Variants in NRXN3 observed in about 807,000 individuals in gnomAD.
The protein encoded by NRXN3 is neurexin III.
NRXN3 carries 32 observed loss-of-function variants against 137.6 expected under a neutral mutation model. The observed-to-expected ratio is 0.23, with a 90% confidence interval of 0.18 to 0.31. The LOEUF is 0.31. Ranked by LOEUF, NRXN3 falls within the 10% of genes least tolerant of loss-of-function variation. NRXN3 has a pLI of 1.00. For missense variants in NRXN3, 1,574 were observed against 2,062.5 expected (o/e 0.76, Z 4.59); for synonymous variants, 798 against 784.5 (o/e 1.02, Z -0.29).
At chr14:78,985,437 A>G (rs1201898856) in intron 14 of NRXN3, among the ~76,000 whole-genome samples, 1 of 152,232 alleles carries the variant, frequency 6.6e-6, no homozygotes, top group Non-Finnish European at 1.5e-5. Flanking sequence ...AAAATTAATG[A>G]CGCAGATAAT....
At chr14:79,349,543 A>AT (rs1330548803) in intron 15 of NRXN3, among the ~76,000 whole-genome samples, 19 of 107,118 alleles carry the variant, frequency 1.8e-4, no homozygotes, top group African/African-American at 8.3e-4. Context: ...GGGAAAAAAA[A>AT]ATACACACAC....
chr14:78,488,567 TTATTAC>T (rs1483157436), intron 4 of NRXN3, among the ~76,000 whole-genome samples: 1 of 152,118 alleles, frequency 6.6e-6, no homozygotes, highest in African/African-American at 2.4e-5. Context: ...TCAGAGGACA[TTATTAC>T]TATTACTAAA....
Position 78,299,174 on chromosome 14 carries a change from G to A in NRXN3, c.757+1314G>A, listed in dbSNP as rs375955176. Reference sequence around the variant, plus strand: ...AGACCATATGTCAAAAAATAGAACTGGGAGAGGAGATCAGGTGACTTCTCT... The same window carrying A: ...AGACCATATGTCAAAAAATAGAACTAGGAGAGGAGATCAGGTGACTTCTCT... On this transcript the variant is annotated intron_variant, in intron 4 of 20. Transcript: ENST00000335750. Among the ~76,000 whole-genome samples the A allele has an allele frequency of 5.9e-5, 9 of 152,196 alleles. No homozygotes were observed. The East Asian group carries it at 1.5e-3, about 26-fold the overall frequency.
At chr14:78,731,658 T>A (rs1307447769) in intron 8 of NRXN3, among the ~76,000 whole-genome samples, 1 of 151,558 alleles carries the variant, frequency 6.6e-6, no homozygotes, top group Non-Finnish European at 1.5e-5. Context: ...TATTCTATTC[T>A]TGAATATATA....
intron 4 of NRXN3, among the ~76,000 whole-genome samples, chr14:78,426,446 G>A (rs903038657): frequency 2.0e-5 from 3 of 152,196 alleles, no homozygotes; most frequent in Non-Finnish European, 4.4e-5. Flanking sequence ...CCTGGCTGGG[G>A]CCCCTATAAC....
intron 15 of NRXN3, among the ~76,000 whole-genome samples, chr14:79,154,912 A>C (rs1378473042): frequency 6.6e-6 from 1 of 151,990 alleles, no homozygotes; most frequent in African/African-American, 2.4e-5. Context: ...TCAACTGACC[A>C]GCTTAAACCT....
At chr14:79,517,382 T>C (rs1242257595) in intron 16 of NRXN3, among the ~76,000 whole-genome samples, 1 of 152,194 alleles carries the variant, frequency 6.6e-6, no homozygotes, top group African/African-American at 2.4e-5. Flanking sequence ...TGATATGGGA[T>C]GCAAATATCC....
chr14:78,739,537 T>A (rs1217505690), intron 8 of NRXN3, among the ~76,000 whole-genome samples: 1 of 152,208 alleles, frequency 6.6e-6, no homozygotes, highest in Non-Finnish European at 1.5e-5. Context: ...AATGGCGCGA[T>A]CTTGGCTCAC....
intron 8 of NRXN3, among the ~76,000 whole-genome samples, chr14:78,797,231 GAACA>G (rs1299307248): frequency 6.6e-6 from 1 of 152,104 alleles, no homozygotes; most frequent in Non-Finnish European, 1.5e-5. Context: ...ATGAACATAT[GAACA>G]AACAATTAGA....
intron 16 of NRXN3, among the ~76,000 whole-genome samples, chr14:79,641,897 A>G (rs1192346579): frequency 7.4e-6 from 1 of 135,306 alleles, no homozygotes; most frequent in African/African-American, 2.5e-5. Flanking sequence ...CTCCTTATGC[A>G]TACTTCCCAC....
chr14:79,044,825 GT>G (rs5809914), intron 15 of NRXN3, among the ~76,000 whole-genome samples: 128,593 of 139,648 alleles, frequency 0.92, 59,520 homozygotes, highest in Non-Finnish European at 0.98. Flanking sequence ...AGCACCTCTA[GT>G]TTTTTTTTTT....
intron 10 of NRXN3, among the ~76,000 whole-genome samples, chr14:78,832,990 G>C (rs928830196): frequency 6.6e-6 from 1 of 152,090 alleles, no homozygotes; most frequent in Admixed American, 6.6e-5. Flanking sequence ...CATCTTTCCG[G>C]GGAAGACATA....
At position 78,494,903 on chromosome 14, in the gene NRXN3, T is replaced by G. The variant is rs80168619; in HGVS notation, c.758-150217T>G. Among the ~76,000 whole-genome samples the G allele has an allele frequency of 3.0e-3, 456 of 152,202 alleles. 2 individuals are homozygous for G. Among genetic ancestry groups the G allele is most frequent in the African/African-American group, 9.8e-3 (406 of 41,556 alleles). On this transcript the variant is annotated intron_variant, in intron 4 of 20. Transcript: ENST00000335750. ...AGTGAGGTGTGTTTTTACCAATTCTTTAACTTAATCAGACTGGCCTCTTGA... is the reference window on the plus strand; with the variant it reads ...AGTGAGGTGTGTTTTTACCAATTCTGTAACTTAATCAGACTGGCCTCTTGA...
chr14:79,310,072 C>T (rs1398531823), intron 15 of NRXN3, among the ~76,000 whole-genome samples: 4 of 126,174 alleles, frequency 3.2e-5, no homozygotes, highest in East Asian at 4.8e-4. Context: ...TTAGGTCTAA[C>T]GTTTAAATCT....
At chr14:79,833,323 G>C (rs2099328659) in intron 20 of NRXN3, among the ~76,000 whole-genome samples, 1 of 152,078 alleles carries the variant, frequency 6.6e-6, no homozygotes, top group Non-Finnish European at 1.5e-5. Flanking sequence ...CAGATAACTA[G>C]AGATAGTAAA....
At chr14:79,679,581 A>G (rs1228344301) in intron 17 of NRXN3, among the ~76,000 whole-genome samples, 2 of 152,118 alleles carry the variant, frequency 1.3e-5, no homozygotes, top group African/African-American at 2.4e-5. Flanking sequence ...TGAGCACTGA[A>G]GGTATGTCAA....
chr14:79,504,983 G>A, intron 16 of NRXN3, among the ~76,000 whole-genome samples: 2 of 152,142 alleles, frequency 1.3e-5, no homozygotes, highest in East Asian at 3.9e-4. Flanking sequence ...GGGAGGCCCA[G>A]GTGGGCAGAT....
At chr14:78,810,275 T>G (rs775534904) in intron 9 of NRXN3, 43 bp from the exon 10 acceptor site, 1 of 1,343,410 alleles carries the variant, frequency 7.4e-7, no homozygotes, top group Non-Finnish European at 1.0e-6. Context: ...GCTGTTACCT[T>G]GAAGGATGCA....
rs562564453 is a variant in NRXN3, at chr14:78,469,360, A to G, written c.757+171500A>G. Among the ~76,000 whole-genome samples, 5 of 152,304 alleles carry G rather than the reference A, an allele frequency of 3.3e-5. No individual in the cohort carries two copies. The South Asian group carries it at 1.0e-3, about 32-fold the overall frequency. On this transcript the variant is annotated intron_variant, in intron 4 of 20. Transcript: ENST00000335750. ...TCTGGGATAGGGCCTTGGCATCTGT[A>G]TTAAAATAAAGTCTGTCTGGATATA...
Sources: gnomAD v4.1 joint callset for allele counts (sites outside exome capture counted in the v4.1 genomes callset) on GRCh38, gnomAD v4.1.1 for gene constraint, MANE v1.5 for transcripts, NCBI Gene and HGNC (gene_info 2026-07-23, HGNC 2026-07-21) for gene names.